Variants in CSMD3 observed in about 807,000 individuals in gnomAD.
CSMD3 encodes the protein CUB and sushi domain-containing protein 3.
Under a neutral mutation model 435.2 loss-of-function variants are expected in CSMD3, and 177 were observed. The ratio of observed to expected loss-of-function variants is 0.41; its 90% CI spans 0.36 to 0.46. The LOEUF (loss-of-function observed/expected upper bound fraction) is 0.46, where lower values mean the gene tolerates loss of function less well. Ranked by LOEUF, CSMD3 falls within the 20% of genes least tolerant of loss-of-function variation. CSMD3 has a pLI of 0.34. For synonymous variants in CSMD3, 1,656 were observed against 1,520.5 expected, an observed-to-expected ratio of 1.09 and a Z score of -2.07; for missense variants, 4,265 against 4,504.6, an observed-to-expected ratio of 0.95 and a Z score of 1.52.
chr8:112,719,520 T>C (rs1444923859), intron 13 of CSMD3, among the ~76,000 whole-genome samples: 6 of 152,140 alleles, frequency 3.9e-5, no homozygotes, highest in Non-Finnish European at 8.8e-5. Flanking sequence ...GTTGGCTGCC[T>C]TCTTGATATA....
chr8:113,422,359 C>T (rs2094612794), intron 1 of CSMD3, among the ~76,000 whole-genome samples: 1 of 152,200 alleles, frequency 6.6e-6, no homozygotes, highest in Non-Finnish European at 1.5e-5. Flanking sequence ...TGTAGCAAAT[C>T]TGCCGCTTTT....
intron 4 of CSMD3, among the ~76,000 whole-genome samples, chr8:113,141,284 C>T (rs182088164): frequency 7.0e-4 from 106 of 150,532 alleles, no homozygotes; most frequent in Non-Finnish European, 1.3e-3. Context: ...ATAATATCTT[C>T]CAAAAAAACA....
chr8:112,992,973 A>G (rs2085511761), intron 6 of CSMD3, among the ~76,000 whole-genome samples: 1 of 151,742 alleles, frequency 6.6e-6, no homozygotes, highest in African/African-American at 2.4e-5. Context: ...AAAAAGTTTG[A>G]AAATCACTAT....
chr8:112,306,716 C>T (rs1821455480), intron 50 of CSMD3, among the ~76,000 whole-genome samples: 1 of 152,106 alleles, frequency 6.6e-6, no homozygotes, highest in African/African-American at 2.4e-5. Flanking sequence ...TGAGCTGGGG[C>T]ACCATCCACA....
At chr8:112,394,037 T>A (rs1354151652) in intron 35 of CSMD3, among the ~76,000 whole-genome samples, 1 of 152,152 alleles carries the variant, frequency 6.6e-6, no homozygotes, top group African/African-American at 2.4e-5. Flanking sequence ...TGCAATCATA[T>A]GTCTAACAAG....
chr8:112,575,346 G>A (rs894523150), intron 23 of CSMD3, among the ~76,000 whole-genome samples: 1 of 151,992 alleles, frequency 6.6e-6, no homozygotes, highest in Non-Finnish European at 1.5e-5. Context: ...TTGTTTACTT[G>A]TTCTTTACAG....
At chr8:113,211,594 C>A (rs1425737620) in intron 3 of CSMD3, among the ~76,000 whole-genome samples, 1 of 152,102 alleles carries the variant, frequency 6.6e-6, no homozygotes, top group Non-Finnish European at 1.5e-5. Flanking sequence ...GAGGCTGAGG[C>A]AGGAGAACCG....
chr8:112,348,118 TGAA>T (rs1258436174), intron 40 of CSMD3, among the ~76,000 whole-genome samples: 2 of 152,176 alleles, frequency 1.3e-5, no homozygotes, highest in African/African-American at 4.8e-5. Context: ...TAGAGACATA[TGAA>T]GAAGGATACC....
At chr8:112,230,555 A>G (rs1436290406) in intron 69 of CSMD3, among the ~76,000 whole-genome samples, 1 of 152,082 alleles carries the variant, frequency 6.6e-6, no homozygotes, top group African/African-American at 2.4e-5. Context: ...TGGGGAGGCC[A>G]AGGCGGGCGG....
chr8:113,306,883 T>G (rs1270964640), intron 2 of CSMD3, among the ~76,000 whole-genome samples: 1 of 152,154 alleles, frequency 6.6e-6, no homozygotes, highest in East Asian at 1.9e-4. Flanking sequence ...TCCATTAGGC[T>G]TTTGAATTCT....
intron 31 of CSMD3, among the ~76,000 whole-genome samples, chr8:112,491,406 G>A (rs1327624300): frequency 6.6e-6 from 1 of 152,084 alleles, no homozygotes; most frequent in East Asian, 1.9e-4. Flanking sequence ...TGTAATCCCA[G>A]CACTTTAGAA....
chr8:112,337,543 C>T lies in CSMD3; in HGVS notation c.6841G>A (p.Ala2281Thr). Residue 2281 changes from alanine to threonine, a missense_variant and splice_region_variant, in exon 43 of 71, where the codon GCT becomes ACT. Ala to Thr is a moderately conservative substitution (Grantham distance 58). This residue lies in a region of CSMD3 where 3,255 missense variants were observed against 3,380.2 expected (regional missense o/e 0.96). Transcript: ENST00000297405. ...NWNHPLPRCE[A>T]LCGGNITAMN... ...AGATAGCTTCAAGTTAGAAGCATACCTTCACACCTTGGAAGTGGATGATTC... is the reference window on the plus strand; with the variant it reads ...AGATAGCTTCAAGTTAGAAGCATACTTTCACACCTTGGAAGTGGATGATTC... The T allele has an allele frequency of 6.2e-7, 1 of 1,612,406 alleles. No individual in the cohort carries two copies. Among genetic ancestry groups the T allele is most frequent in the Non-Finnish European group, 8.5e-7 (1 of 1,178,498 alleles).
chr8:113,067,013 G>A (rs2088888274), intron 5 of CSMD3, among the ~76,000 whole-genome samples: 1 of 152,066 alleles, frequency 6.6e-6, no homozygotes, highest in African/African-American at 2.4e-5. Flanking sequence ...ATCATTTTTA[G>A]AGCCTCCTGG....
chr8:113,119,596 T>C (rs1279960531), intron 4 of CSMD3, among the ~76,000 whole-genome samples: 3 of 152,130 alleles, frequency 2.0e-5, no homozygotes, highest in Non-Finnish European at 2.9e-5. Context: ...ACAAGCATTG[T>C]CCTTTTTACT....
intron 27 of CSMD3, among the ~76,000 whole-genome samples, chr8:112,520,193 C>T (rs1824125644): frequency 6.6e-6 from 1 of 151,760 alleles, no homozygotes; most frequent in Admixed American, 6.6e-5. Context: ...GAATAGAGAC[C>T]AATAAAATAA....
chr8:112,955,419 G>T (rs376546418), intron 7 of CSMD3, among the ~76,000 whole-genome samples: 11 of 151,534 alleles, frequency 7.3e-5, no homozygotes, highest in African/African-American at 2.7e-4. Context: ...TATTTATGGC[G>T]TACATAGGAT....
chr8:112,922,523 A>AT (rs777202206), intron 9 of CSMD3, among the ~76,000 whole-genome samples: 5 of 151,548 alleles, frequency 3.3e-5, no homozygotes, highest in Non-Finnish European at 7.4e-5. Context: ...CCGCCCCCAC[A>AT]TCCCCCACTA....
At position 113,104,936 on chromosome 8, in the gene CSMD3, T is replaced by G. The variant is rs543991426; in HGVS notation, c.710-5973A>C. Among the ~76,000 whole-genome samples, 16 of 152,178 alleles carry G rather than the reference T, an allele frequency of 1.1e-4. No individual in the cohort carries two copies. The East Asian group carries it at 3.1e-3, about 29-fold the overall frequency. ...TATCCTACATTAATTTCCATTTACC[T>G]TCCAAAGAGACATGTTGAGAAAATG... On this transcript the variant is annotated intron_variant, in intron 4 of 70. Transcript: ENST00000297405.
chr8:112,711,408 G>A (rs931303465), intron 13 of CSMD3, among the ~76,000 whole-genome samples: 3 of 152,152 alleles, frequency 2.0e-5, no homozygotes, highest in Non-Finnish European at 4.4e-5. Context: ...ACAGGAAAAG[G>A]TAGGAAGAGT....
Sources: gnomAD v4.1 joint callset for allele counts (sites outside exome capture counted in the v4.1 genomes callset) on GRCh38, gnomAD v4.1.1 for gene constraint, gnomAD v4.1.1 regional missense constraint, MANE v1.5 for transcripts, NCBI Gene and HGNC (gene_info 2026-07-23, HGNC 2026-07-21) for gene names.